The following PALM2AKAP2 variants were observed in gnomAD, a reference collection of about 807,000 sequenced individuals.
PALM2AKAP2 encodes PALM2 and AKAP2 fusion, also known as PALM2-AKAP2 fusion protein.
PALM2AKAP2 carries 37 observed loss-of-function variants against 71.5 expected under a neutral mutation model. The ratio of observed to expected loss-of-function variants is 0.52; its 90% CI spans 0.40 to 0.68. PALM2AKAP2 has a LOEUF of 0.68. Among genes scored for constraint, PALM2AKAP2 ranks in the 30% least tolerant of loss-of-function variants. The pLI is 0.00. For synonymous variants in PALM2AKAP2, 468 were observed against 478.8 expected (o/e 0.98, Z 0.29); for missense variants, 1,224 against 1,191.8 (o/e 1.03, Z -0.40).
In PALM2AKAP2 at chr9:110,057,049, C is replaced by T. The variant is rs113828319; in HGVS notation, c.156+8194C>T. ...CCTGTAATTCCCAGGGACGCCTTGTCCTTGCGGTTCCCAGGCAGGATGGTA... is the reference window on the plus strand; with the variant it reads ...CCTGTAATTCCCAGGGACGCCTTGTTCTTGCGGTTCCCAGGCAGGATGGTA... On this transcript the variant is annotated intron_variant, in intron 1 of 3. Coordinates refer to ENST00000374525, the Ensembl canonical transcript of PALM2AKAP2. Among the ~76,000 whole-genome samples the T allele has an allele frequency of 6.7e-3, 1,013 of 152,088 alleles. 14 individuals carry two copies. The highest frequency in any genetic ancestry group is 0.047 in the South Asian group (224 of 4,796).
intron 6 of PALM2AKAP2, among the ~76,000 whole-genome samples, chr9:109,961,831 T>G (rs1325389831): frequency 6.6e-6 from 1 of 152,204 alleles, no homozygotes; most frequent in Non-Finnish European, 1.5e-5. Flanking sequence ...CCTTTTTTTC[T>G]TCACCATTTT....
intron 1 of PALM2AKAP2, among the ~76,000 whole-genome samples, chr9:109,702,358 A>G (rs1396476301): frequency 6.6e-6 from 1 of 152,202 alleles, no homozygotes; most frequent in East Asian, 1.9e-4. Flanking sequence ...TCCAACAATG[A>G]TATACTGGAT....
At chr9:109,824,807 T>TCTGTA (rs1403245914) in intron 1 of PALM2AKAP2, among the ~76,000 whole-genome samples, 2 of 152,258 alleles carry the variant, frequency 1.3e-5, no homozygotes, top group African/African-American at 4.8e-5. Context: ...TGCCATGTAG[T>TCTGTA]TACTTTAAAA....
At chr9:109,922,127 T>C (rs1015156346) in intron 3 of PALM2AKAP2, among the ~76,000 whole-genome samples, 14 of 151,484 alleles carry the variant, frequency 9.2e-5, no homozygotes, top group African/African-American at 2.4e-4. Flanking sequence ...GATTAAAAGA[T>C]GGAAAAAGAG....
exon 3 of PALM2AKAP2, chr9:110,156,332 A>G (rs1165515561): frequency 6.3e-7 from 1 of 1,583,434 alleles, no homozygotes; most frequent in Non-Finnish European, 8.6e-7. Flanking sequence ...AAATAGAGAA[A>G]GTCAAACCTC....
chr9:109,674,928 C>A lies in PALM2AKAP2; in HGVS notation c.5+34062C>A, dbSNP rs1043449413. 3.9e-5 allele frequency among the ~76,000 whole-genome samples: 6 copies of A among 152,094 alleles called. 1 individual carries two copies. In the South Asian group the frequency reaches 1.2e-3, roughly 32 times the overall value. ...AAAGCAATACTCTTTCAGTAGATAT[C>A]ATACTACAAGTACACATATAACCAC... On this transcript the variant is annotated intron_variant, in intron 1 of 6. Transcript: ENST00000374531.
In PALM2AKAP2 at chr9:109,848,000, C is replaced by T. The variant is rs143098836; in HGVS notation, c.46-19491C>T. 2.9e-3 allele frequency among the ~76,000 whole-genome samples: 435 copies of T among 152,302 alleles called. 2 individuals are homozygous for T. The highest frequency in any genetic ancestry group is 0.01 in the African/African-American group (416 of 41,552). Reference sequence around the variant, plus strand: ...CACTCCTCTCATCCTCTCATTCTTTCCCCCACCCATTGGCTTATAAACTTG... The same window carrying T: ...CACTCCTCTCATCCTCTCATTCTTTTCCCCACCCATTGGCTTATAAACTTG... On this transcript the variant is annotated intron_variant, in intron 1 of 9. Coordinates refer to the PALM2AKAP2 transcript ENST00000302798.
At chr9:109,667,447 T>G (rs1827504270) in intron 1 of PALM2AKAP2, among the ~76,000 whole-genome samples, 1 of 152,136 alleles carries the variant, frequency 6.6e-6, no homozygotes, top group Non-Finnish European at 1.5e-5. Context: ...GTTCAATAAT[T>G]TTATTCTAAA....
intron 1 of PALM2AKAP2, among the ~76,000 whole-genome samples, chr9:109,725,637 A>G (rs1335430170): frequency 6.6e-6 from 1 of 152,228 alleles, no homozygotes; most frequent in Non-Finnish European, 1.5e-5. Context: ...TGTACGCTAG[A>G]ATACTATACA....
At chr9:109,851,074 G>A (rs1828998021) in intron 1 of PALM2AKAP2, among the ~76,000 whole-genome samples, 1 of 152,070 alleles carries the variant, frequency 6.6e-6, no homozygotes, top group Non-Finnish European at 1.5e-5. Context: ...CTGCTTGGGA[G>A]GATGAGGCAG....
At chr9:109,756,420 CA>C (rs1307128764) in intron 1 of PALM2AKAP2, among the ~76,000 whole-genome samples, 1 of 152,180 alleles carries the variant, frequency 6.6e-6, no homozygotes, top group East Asian at 1.9e-4. Flanking sequence ...TGATCTGTTA[CA>C]TACAGATGTT....
chr9:109,814,258 T>TA (rs1827797286), intron 1 of PALM2AKAP2, among the ~76,000 whole-genome samples: 3 of 152,218 alleles, frequency 2.0e-5, no homozygotes, highest in African/African-American at 7.2e-5. Context: ...GGGCTATACT[T>TA]TCTTATCGGT....
At chr9:110,143,456 C>T (rs1836087278) in intron 2 of PALM2AKAP2, among the ~76,000 whole-genome samples, 1 of 146,974 alleles carries the variant, frequency 6.8e-6, no homozygotes, top group African/African-American at 2.5e-5. Context: ...ATAAAGGAAG[C>T]ACCTTTGCAG....
At chr9:109,919,307 C>A (rs535786191) in intron 3 of PALM2AKAP2, among the ~76,000 whole-genome samples, 54 of 152,160 alleles carry the variant, frequency 3.5e-4, no homozygotes, top group Non-Finnish European at 7.1e-4. Context: ...CTGGGAGATG[C>A]TGCCTTCTCA....
intron 1 of PALM2AKAP2, among the ~76,000 whole-genome samples, chr9:109,745,556 A>C (rs974052027): frequency 3.3e-5 from 5 of 151,664 alleles, no homozygotes; most frequent in African/African-American, 1.2e-4. Context: ...ATACACACAC[A>C]CCCTTTCCTG....
rs1476102174 is a variant in PALM2AKAP2 at position 110,136,710 on chromosome 9, G to T, written c.740G>T (p.Ser247Ile). Reference sequence around the variant, plus strand: ...CCTGTCAGCCCCAGCTCCACAACCAGCTCACGGTGTTCTTCCCGAGATGGA... The same window carrying T: ...CCTGTCAGCCCCAGCTCCACAACCATCTCACGGTGTTCTTCCCGAGATGGA... The change falls in exon 2 of 4, where the codon AGC becomes ATC. Residue 247 changes from serine (S) to isoleucine (I), a missense_variant. Ser to Ile is a moderately radical substitution (Grantham distance 142). Transcript: ENST00000374525. 22 of 1,614,052 alleles carry T rather than the reference G, an allele frequency of 1.4e-5. No individual in the cohort carries two copies. The highest frequency in any genetic ancestry group is 1.9e-5 in the Non-Finnish European group (22 of 1,180,042).
intron 1 of PALM2AKAP2, among the ~76,000 whole-genome samples, chr9:109,709,623 C>G (rs1031897233): frequency 1.7e-4 from 26 of 152,114 alleles, no homozygotes; most frequent in African/African-American, 6.3e-4. Flanking sequence ...GTAGCAGGAG[C>G]TGAGGAGGCT....
rs553150155 is a variant in PALM2AKAP2 at position 109,722,649 on chromosome 9, G to A, written c.6-57839G>A. On this transcript the variant is annotated intron_variant, in intron 1 of 6. Transcript: ENST00000374531. ...TAGCCAGGCGTGGTGGCATGCACCC[G>A]TAGACCCAGCTTTTCGTGAGGCTGA... Among the ~76,000 whole-genome samples the A allele has an allele frequency of 4.6e-5, 7 of 152,202 alleles. No homozygotes were observed. The East Asian group carries it at 5.8e-4, about 13-fold the overall frequency.
chr9:110,091,874 A>G (rs10980181), intron 1 of PALM2AKAP2, among the ~76,000 whole-genome samples: 30,899 of 152,178 alleles, frequency 0.2, 4,369 homozygotes, highest in African/African-American at 0.4. Flanking sequence ...AATCAAGATA[A>G]AGAACAGTTC....
Sources: allele counts gnomAD v4.1 joint callset (sites outside exome capture counted in the v4.1 genomes callset), GRCh38; gene constraint gnomAD v4.1.1; transcripts MANE v1.5; gene names NCBI Gene and HGNC (gene_info 2026-07-23, HGNC 2026-07-21).